Variants in ZNF488 observed in about 807,000 individuals in gnomAD.
ZNF488 encodes zinc finger protein 488.
Under a neutral mutation model 1.2 loss-of-function variants are expected in ZNF488, and 1 was observed. The observed-to-expected ratio is 0.86, with a 90% CI of 0.30 to 4.07. The LOEUF (loss-of-function observed/expected upper bound fraction) is 4.07. ZNF488 is among the 30% of genes most tolerant of loss of function. The pLI, the probability that ZNF488 is intolerant of heterozygous loss-of-function variation, is 0.18. For synonymous variants in ZNF488, 185 were observed against 190.1 expected, an observed-to-expected ratio of 0.97 and a Z score of 0.22; for missense variants, 450 against 437.9, an observed-to-expected ratio of 1.03 and a Z score of -0.25.
intron 1 of ZNF488, among the ~76,000 whole-genome samples, chr10:47,372,682 A>T (rs1157161938): frequency 1.3e-5 from 2 of 152,208 alleles, no homozygotes; most frequent in Non-Finnish European, 2.9e-5. Context: ...AGTGCATGAG[A>T]AAACTTTGCA....
Position 47,368,468 on chromosome 10 carries a change from T to C in ZNF488, c.362A>G (p.Glu121Gly), listed in dbSNP as rs1837320524. 2 of 1,613,778 alleles carry C rather than the reference T, an allele frequency of 1.2e-6. No individual in the cohort carries two copies. The highest frequency in any genetic ancestry group is 1.7e-6 in the Non-Finnish European group (2 of 1,180,004). The change falls in exon 2 of 2, where the codon GAG (glutamate) becomes GGG (glycine). Residue 121 changes from glutamate (E) to glycine (G), a missense_variant. By Grantham distance (98) the Glu-to-Gly change is moderately conservative. Transcript: ENST00000585316. ...RQVDAQAQER[E>G]HDDPTGQPGA... ...AGGTTGGCCTGTGGGGTCATCGTGC[T>C]CCCTCTCCTGGGCCTGAGCATCCAC...
chr10:47,369,458 G>T (rs572566061), intron 1 of ZNF488, among the ~76,000 whole-genome samples: 1 of 152,168 alleles, frequency 6.6e-6, no homozygotes, highest in African/African-American at 2.4e-5. Flanking sequence ...CATGAGGGTC[G>T]CAGTGTTGGA....
rs782683994 is a variant in ZNF488 at position 47,367,997 on chromosome 10, G to A, written c.833C>T (p.Ala278Val). 5 of 1,614,178 alleles carry A rather than the reference G, an allele frequency of 3.1e-6. No individual in the cohort carries two copies. The East Asian group carries it at 6.7e-5, about 22-fold the overall frequency. The change falls in exon 2 of 2, where the codon GCA (alanine) becomes GTA (valine). Residue 278 changes from alanine to valine, a missense_variant. Ala to Val is a moderately conservative substitution (Grantham distance 64). Transcript: ENST00000585316. ...SLGLSTQNWC[A>V]KCNLSFRLTS... ...TAGGCGAAAGGACAGGTTGCACTTT[G>A]CACACCAGTTCTGGGTGGACAAGCC...
chr10:47,380,636 T>C (rs1191414908), intron 1 of ZNF488, among the ~76,000 whole-genome samples: 2 of 152,294 alleles, frequency 1.3e-5, no homozygotes, highest in Non-Finnish European at 2.9e-5. Context: ...TGCACACTGA[T>C]CATTCACTCA....
intron 1 of ZNF488, among the ~76,000 whole-genome samples, chr10:47,372,127 A>G (rs1555213905): frequency 6.6e-6 from 1 of 152,242 alleles, no homozygotes; most frequent in Non-Finnish European, 1.5e-5. Context: ...GCCAGGCTCC[A>G]GTCTACATAA....
chr10:47,370,961 C>G (rs956077506), intron 1 of ZNF488, among the ~76,000 whole-genome samples: 1 of 152,180 alleles, frequency 6.6e-6, no homozygotes, highest in Non-Finnish European at 1.5e-5. Context: ...CTGTGCGAGG[C>G]GCGGTAGTGA....
At chr10:47,373,934 T>C (rs1555214120) in intron 1 of ZNF488, among the ~76,000 whole-genome samples, 1 of 152,238 alleles carries the variant, frequency 6.6e-6, no homozygotes, top group African/African-American at 2.4e-5. Flanking sequence ...CCACCTACAC[T>C]GTTTTATTCC....
Position 47,367,981 on chromosome 10 carries a change from G to A in ZNF488, c.849C>T (p.Ser283=), listed in dbSNP as rs563781603. ...AGACCAGGTCGGACGTTAGGCGAAAGGACAGGTTGCACTTTGCACACCAGT... is the reference window on the plus strand; with the variant it reads ...AGACCAGGTCGGACGTTAGGCGAAAAGACAGGTTGCACTTTGCACACCAGT... ...TQNWCAKCNL[S]FRLTSDLVFH... Residue 283 remains serine (S), a synonymous_variant, in exon 2 of 2, where the codon TCC becomes TCT. Transcript: ENST00000585316. 7 of 1,614,198 alleles carry A rather than the reference G, an allele frequency of 4.3e-6. No homozygotes were observed. The highest frequency in any genetic ancestry group is 5.9e-6 in the Non-Finnish European group (7 of 1,180,050).
At position 47,368,816 on chromosome 10, in the gene ZNF488, G is replaced by A. The variant is rs1837349673; in HGVS notation, c.14C>T (p.Pro5Leu). MPEWPPCLSVAPALV... is the reference protein window; with the variant it reads MPEWLPCLSVAPALV... ...GGCCGGGGCCACAGATAAGCAAGGT[G>A]GCCACTCTGGCATTCATCAGTCTTT... Residue 5 changes from proline to leucine, a missense_variant, in exon 2 of 2, where the codon CCA becomes CTA. Coordinates refer to ENST00000585316, the MANE Select transcript of ZNF488 (RefSeq NM_153034.4). 6.3e-7 allele frequency: 1 copy of A among 1,589,906 alleles called. No homozygotes were observed. The highest frequency in any genetic ancestry group is 1.3e-5 in the African/African-American group (1 of 74,484).
rs55901237 is a variant in ZNF488, at chr10:47,377,671, TCACACACA to T, written c.-109+6541_-109+6548del. ...CACCCAGAGGAGCCAGCAATAACAATCACACACACACACACACACACACACACACACAC... is the reference window on the plus strand; with the variant it reads ...CACCCAGAGGAGCCAGCAATAACAATCACACACACACACACACACACACAC... On this transcript the variant is annotated intron_variant, in intron 1 of 1. Transcript: ENST00000585316. 5.1e-3 allele frequency among the ~76,000 whole-genome samples: 536 copies of T among 105,018 alleles called. 7 individuals are homozygous for T. Among genetic ancestry groups the T allele is most frequent in the African/African-American group, 0.017 (484 of 27,744 alleles). The allele number at this position is 105,018 out of a possible 152,430, so 68.9% of individuals were successfully genotyped here.
intron 1 of ZNF488, among the ~76,000 whole-genome samples, chr10:47,375,043 C>A (rs552403437): frequency 3.3e-5 from 5 of 152,228 alleles, no homozygotes; most frequent in Admixed American, 3.3e-4. Flanking sequence ...CACCCCCTGA[C>A]GAAACTGAGT....
intron 1 of ZNF488, among the ~76,000 whole-genome samples, chr10:47,382,701 A>C (rs575149263): frequency 2.0e-4 from 31 of 152,358 alleles, no homozygotes; most frequent in African/African-American, 7.5e-4. Context: ...TAGCATATGC[A>C]AATTCTTTCA....
Position 47,368,077 on chromosome 10 carries a change from G to T in ZNF488, c.753C>A (p.Pro251=). 1.2e-6 allele frequency: 2 copies of T among 1,614,174 alleles called. No homozygotes were observed. The highest frequency in any genetic ancestry group is 1.7e-6 in the Non-Finnish European group (2 of 1,180,026). Residue 251 remains proline (P), a synonymous_variant, in exon 2 of 2, where the codon CCC becomes CCA. Transcript: ENST00000585316. ...LEHTQAQVPP[P]SSSSTTSWAL... is the part of the protein sequence containing the mutation. ...CCCACGAAGTGGTGGAGGATGATGAGGGTGGGGGCACCTGGGCCTGGGTAT... is the reference window on the plus strand; with the variant it reads ...CCCACGAAGTGGTGGAGGATGATGATGGTGGGGGCACCTGGGCCTGGGTAT...
chr10:47,374,692 C>T (rs1234773640), intron 1 of ZNF488, among the ~76,000 whole-genome samples: 1 of 152,200 alleles, frequency 6.6e-6, no homozygotes, highest in Non-Finnish European at 1.5e-5. Context: ...CTAGTAGAAA[C>T]TGCTGGTACC....
chr10:47,368,263 C>A lies in ZNF488; in HGVS notation c.567G>T (p.Leu189=), dbSNP rs1335965760. The change falls in exon 2 of 2, where the codon CTG becomes CTT. Residue 189 remains leucine (L), a synonymous_variant. Coordinates refer to ENST00000585316, the MANE Select transcript of ZNF488 (RefSeq NM_153034.4). The part of the protein sequence containing the change: ...VFPAGESADA[L]GELSGLLNTT... ...TGTTGAGGAGTCCAGACAGCTCCCCCAGGGCATCTGCAGATTCCCCTGCAG... is the reference window on the plus strand; with the variant it reads ...TGTTGAGGAGTCCAGACAGCTCCCCAAGGGCATCTGCAGATTCCCCTGCAG... 3.7e-6 allele frequency: 6 copies of A among 1,614,092 alleles called. No individual in the cohort carries two copies. The African/African-American group carries it at 8.0e-5, about 22-fold the overall frequency.
intron 1 of ZNF488, among the ~76,000 whole-genome samples, chr10:47,380,181 A>G (rs1226579521): frequency 6.6e-6 from 1 of 152,202 alleles, no homozygotes; most frequent in African/African-American, 2.4e-5. Flanking sequence ...GGCCCTCGTC[A>G]CTCTGTCATT....
chr10:47,369,034 C>T, intron 1 of ZNF488, 97 bp from the exon 2 acceptor site: 1 of 597,516 alleles, frequency 1.7e-6, no homozygotes, highest in South Asian at 2.4e-5. Flanking sequence ...GATGCTCAGG[C>T]CTCCTCCGCT....
chr10:47,379,099 C>A (rs1231698266), intron 1 of ZNF488, among the ~76,000 whole-genome samples: 3 of 134,460 alleles, frequency 2.2e-5, no homozygotes, highest in Non-Finnish European at 4.8e-5. Context: ...GAAACCAGTT[C>A]TCCTTTACAG....
chr10:47,373,263 T>C lies in ZNF488; in HGVS notation c.-108-4326A>G, dbSNP rs572069714. Among the ~76,000 whole-genome samples, 49 of 152,304 alleles carry C rather than the reference T, an allele frequency of 3.2e-4. 1 individual carries two copies. The highest frequency in any genetic ancestry group is 4.6e-4 in the Admixed American group (7 of 15,298). On this transcript the variant is annotated intron_variant, in intron 1 of 1. Coordinates refer to ENST00000585316, the MANE Select transcript of ZNF488 (RefSeq NM_153034.4). ...AACATTCTTAAAAGAAAAATCAAAA[T>C]AGTAATTACAACAAAAATGTCCTTG...
Sources: allele counts gnomAD v4.1 joint callset (sites outside exome capture counted in the v4.1 genomes callset), GRCh38; gene constraint gnomAD v4.1.1; transcripts MANE v1.5; gene names NCBI Gene and HGNC (gene_info 2026-07-23, HGNC 2026-07-21).